Variants in RGSL1 observed in about 807,000 individuals in gnomAD.
RGSL1 encodes regulator of G protein signaling protein-like.
Under a neutral mutation model 124.7 loss-of-function variants are expected in RGSL1, and 97 were observed. The observed-to-expected ratio is 0.78, with a 90% CI of 0.66 to 0.92. The LOEUF is 0.92. Ranked by LOEUF, RGSL1 falls within the 40% of genes least tolerant of loss-of-function variation. RGSL1 has a pLI of 0.00. For synonymous variants in RGSL1, 424 were observed against 438.1 expected, an observed-to-expected ratio of 0.97 and a Z score of 0.40; for missense variants, 1,233 against 1,288.4, an observed-to-expected ratio of 0.96 and a Z score of 0.66.
At chr1:182,508,831 C>G (rs941492938) in intron 9 of RGSL1, among the ~76,000 whole-genome samples, 1 of 117,298 alleles carries the variant, frequency 8.5e-6, no homozygotes, top group Admixed American at 8.9e-5. Context: ...GAGGACCCTG[C>G]GGCCTTCCGC....
intron 4 of RGSL1, among the ~76,000 whole-genome samples, chr1:182,467,471 A>G (rs1401885678): frequency 2.0e-5 from 3 of 152,228 alleles, no homozygotes; most frequent in Non-Finnish European, 4.4e-5. Context: ...CCACATATCT[A>G]CAACTATCTG....
At chr1:182,483,898 C>G (rs1368465149) in intron 6 of RGSL1, among the ~76,000 whole-genome samples, 2 of 152,020 alleles carry the variant, frequency 1.3e-5, no homozygotes, top group African/African-American at 4.8e-5. Context: ...AGCTCTGGTC[C>G]AGCTTTGGGG....
intron 9 of RGSL1, among the ~76,000 whole-genome samples, chr1:182,511,347 A>G (rs893848360): frequency 1.3e-5 from 2 of 152,122 alleles, no homozygotes; most frequent in African/African-American, 4.8e-5. Context: ...TATTTTTAGT[A>G]GAGATGGGGT....
At chr1:182,520,645 T>A (rs1345697491) in intron 9 of RGSL1, among the ~76,000 whole-genome samples, 1 of 152,228 alleles carries the variant, frequency 6.6e-6, no homozygotes, top group Non-Finnish European at 1.5e-5. Flanking sequence ...GTATTATTTT[T>A]ATGCAGTATT....
At chr1:182,517,282 G>GT (rs33967101) in intron 9 of RGSL1, among the ~76,000 whole-genome samples, 90,806 of 142,364 alleles carry the variant, frequency 0.64, 29,213 homozygotes, top group Non-Finnish European at 0.67. Flanking sequence ...TTCTATTTCT[G>GT]TTTTTTTTTT....
intron 6 of RGSL1, among the ~76,000 whole-genome samples, chr1:182,478,932 A>G (rs182750255): frequency 1.5e-3 from 228 of 152,318 alleles, no homozygotes; most frequent in African/African-American, 5.2e-3. Flanking sequence ...GTGGGATGAT[A>G]TATTCAATAT....
chr1:182,470,049 G>A (rs1210306126), intron 4 of RGSL1, among the ~76,000 whole-genome samples: 1 of 152,002 alleles, frequency 6.6e-6, no homozygotes, highest in African/African-American at 2.4e-5. Context: ...AAGAGTTTCA[G>A]TTTTGCAAGA....
chr1:182,548,016 C>A (rs1660324262), intron 15 of RGSL1, among the ~76,000 whole-genome samples: 1 of 152,134 alleles, frequency 6.6e-6, no homozygotes. Context: ...AGTCCTTAGG[C>A]CTTGAAGTCA....
At chr1:182,531,023 A>C in intron 13 of RGSL1, 113 bp downstream of exon 13, 6 of 1,226,654 alleles carry the variant, frequency 4.9e-6, no homozygotes, top group African/African-American at 3.1e-5. Context: ...CAGATAAATT[A>C]CTATACTAGG....
chr1:182,492,151 C>A (rs988997149), intron 8 of RGSL1, among the ~76,000 whole-genome samples: 2 of 152,138 alleles, frequency 1.3e-5, no homozygotes, highest in African/African-American at 4.8e-5. Flanking sequence ...ATGTTCTTTG[C>A]CATTTGTTAT....
chr1:182,485,094 CCTGTG>C (rs1474925488), intron 6 of RGSL1, among the ~76,000 whole-genome samples: 2 of 152,110 alleles, frequency 1.3e-5, no homozygotes, highest in Non-Finnish European at 2.9e-5. Context: ...GGGCTTAGTG[CCTGTG>C]AGGACTGCAG....
At chr1:182,513,882 C>A (rs969226884) in intron 9 of RGSL1, among the ~76,000 whole-genome samples, 14 of 146,860 alleles carry the variant, frequency 9.5e-5, no homozygotes, top group Non-Finnish European at 1.9e-4. Context: ...ATCAGATTTT[C>A]TTTTCTCTCC....
Position 182,532,714 on chromosome 1 carries a change from G to A in RGSL1, c.2417G>A (p.Arg806His), listed in dbSNP as rs377205207. 5.8e-5 allele frequency: 90 copies of A among 1,550,730 alleles called. 1 individual carries two copies. The South Asian group carries it at 6.7e-4, about 11-fold the overall frequency. Residue 806 changes from arginine to histidine, a missense_variant, in exon 14 of 22, where the codon CGC becomes CAC. Physicochemically the swap from Arg to His is conservative, Grantham distance 29. Transcript: ENST00000294854. ...ISFIRSFCKY[R>H]RFMLNPSKRQ... ...TTTATCAGGAGTTTTTGCAAGTACC[G>A]CAGATTTATGTTGAATCCTAGTAAG... is the stretch of plus-strand genomic sequence containing the variant.
rs547895309 is a variant in RGSL1 at position 182,551,120 on chromosome 1, C to T, written c.2954C>T (p.Thr985Ile). 1.9e-6 allele frequency: 3 copies of T among 1,551,666 alleles called. No homozygotes were observed. Among genetic ancestry groups the T allele is most frequent in the East Asian group, 2.4e-5 (1 of 40,920 alleles). The change falls in exon 18 of 22, where the codon ACC becomes ATC. Residue 985 changes from threonine to isoleucine, a missense_variant. By Grantham distance (89) the Thr-to-Ile change is moderately conservative (BLOSUM62 -1). Coordinates refer to ENST00000294854, the MANE Select transcript of RGSL1 (RefSeq NM_001137669.2). The stretch of plus-strand genomic sequence containing the variant: ...CACAGGTTTTGTTTCTGGAAGGCAA[C>T]CCGCTCTTACTTACAGTATAGGGGG... ...FWKRFCFWKATRSYLQYRGKK... is the reference protein window; with the variant it reads ...FWKRFCFWKAIRSYLQYRGKK...
intron 4 of RGSL1, among the ~76,000 whole-genome samples, chr1:182,461,474 A>T (rs1392084928): frequency 1.3e-5 from 2 of 152,142 alleles, no homozygotes; most frequent in African/African-American, 4.8e-5. Context: ...CAAAGAGGAA[A>T]GTATGGTCAA....
chr1:182,481,146 A>G (rs1483240213), intron 6 of RGSL1, among the ~76,000 whole-genome samples: 1 of 152,136 alleles, frequency 6.6e-6, no homozygotes. Flanking sequence ...TCAATTTTTA[A>G]AAACATAAAA....
intron 15 of RGSL1, among the ~76,000 whole-genome samples, chr1:182,541,995 T>C (rs1172695531): frequency 6.6e-6 from 1 of 152,206 alleles, no homozygotes; most frequent in Non-Finnish European, 1.5e-5. Flanking sequence ...GTCAGATGGA[T>C]AGTTTGCAAA....
At position 182,455,799 on chromosome 1, in the gene RGSL1, G is replaced by A. The variant is rs79650103; in HGVS notation, c.96+1759G>A. On this transcript the variant is annotated intron_variant, in intron 2 of 21. Transcript: ENST00000294854. Reference sequence around the variant, plus strand: ...GAGATAAGCTGCACAGGCAGGCTGCGCCAAGCCCTGGAGATCAGGCAAACT... The same window carrying A: ...GAGATAAGCTGCACAGGCAGGCTGCACCAAGCCCTGGAGATCAGGCAAACT... Among the ~76,000 whole-genome samples the A allele has an allele frequency of 4.3e-4, 66 of 152,334 alleles. 1 individual carries two copies. The East Asian group carries it at 8.1e-3, about 19-fold the overall frequency.
chr1:182,513,372 A>G (rs1571620446), intron 9 of RGSL1, among the ~76,000 whole-genome samples: 2 of 152,304 alleles, frequency 1.3e-5, no homozygotes, highest in Admixed American at 1.3e-4. Flanking sequence ...GAGAGAGAAA[A>G]AAAAGATTTA....
Sources: allele counts gnomAD v4.1 joint callset (sites outside exome capture counted in the v4.1 genomes callset), GRCh38; gene constraint gnomAD v4.1.1; transcripts MANE v1.5; gene names NCBI Gene and HGNC (gene_info 2026-07-23, HGNC 2026-07-21).